TENM4: variants seen among roughly 807,000 people sequenced by gnomAD.
TENM4 encodes teneurin transmembrane protein 4.
Under a neutral mutation model 243.3 loss-of-function variants are expected in TENM4, and 82 were observed. That is an observed-to-expected ratio of 0.34 (90% CI 0.28 to 0.40). The LOEUF (loss-of-function observed/expected upper bound fraction) is 0.40, where lower values mean the gene tolerates loss of function less well. TENM4 is among the 10% of genes least tolerant of loss of function. The probability of loss-of-function intolerance (pLI) is 1.00; values close to 1 mark genes in which losing one functional copy is unlikely to be tolerated. For synonymous variants in TENM4, 1,412 were observed against 1,456.3 expected, an observed-to-expected ratio of 0.97 and a Z score of 0.69; for missense variants, 3,138 against 3,673.3, an observed-to-expected ratio of 0.85 and a Z score of 3.77.
chr11:79,085,321 A>G (rs1452750689), intron 4 of TENM4, among the ~76,000 whole-genome samples: 16 of 150,844 alleles, frequency 1.1e-4, no homozygotes, highest in Non-Finnish European at 2.2e-4. Context: ...AGCTTGCAGT[A>G]AGCTGAGATC....
intron 6 of TENM4, among the ~76,000 whole-genome samples, chr11:79,018,698 G>C (rs1179594812): frequency 6.6e-6 from 1 of 152,170 alleles, no homozygotes; most frequent in African/African-American, 2.4e-5. Context: ...TTCAGAATGG[G>C]TTTAATATGT....
At chr11:78,813,530 A>C (rs11237630) in intron 13 of TENM4, among the ~76,000 whole-genome samples, 1,778 of 152,336 alleles carry the variant, frequency 0.012, 35 homozygotes, top group African/African-American at 0.04. Context: ...ATCCCTAAAA[A>C]GGCATGAAGC....
At chr11:78,888,730 C>A (rs990060999) in intron 9 of TENM4, among the ~76,000 whole-genome samples, 5 of 152,192 alleles carry the variant, frequency 3.3e-5, no homozygotes, top group Non-Finnish European at 5.9e-5. Context: ...TCTTTTTTGG[C>A]CTCTGCCAGT....
intron 5 of TENM4, among the ~76,000 whole-genome samples, chr11:79,066,716 ACTCGAGCACACACG>A (rs1451486938): frequency 1.7e-4 from 23 of 139,058 alleles, no homozygotes; most frequent in Non-Finnish European, 2.5e-4. Flanking sequence ...ACGCATGCAC[ACTCGAGCACACACG>A]CGCACGCACA....
chr11:79,214,314 T>C (rs1864008782), intron 3 of TENM4, among the ~76,000 whole-genome samples: 1 of 152,284 alleles, frequency 6.6e-6, no homozygotes, highest in East Asian at 1.9e-4. Context: ...AAAATATTAA[T>C]GGAGCTCCTC....
At chr11:79,349,848 A>C (rs498900) in intron 1 of TENM4, among the ~76,000 whole-genome samples, 123,305 of 152,172 alleles carry the variant, frequency 0.81, 50,252 homozygotes, top group African/African-American at 0.86. Context: ...CAGACTCACA[A>C]AGCAGTTAGA....
At chr11:79,360,572 T>C (rs994038536) in intron 1 of TENM4, among the ~76,000 whole-genome samples, 4 of 152,136 alleles carry the variant, frequency 2.6e-5, no homozygotes, top group East Asian at 1.9e-4. Context: ...AGGCTGAAAA[T>C]TGTCATTTGT....
At chr11:79,065,342 A>G (rs1469918509) in intron 5 of TENM4, among the ~76,000 whole-genome samples, 5 of 152,224 alleles carry the variant, frequency 3.3e-5, no homozygotes, top group African/African-American at 1.2e-4. Flanking sequence ...ACTGCACAGT[A>G]GAGTTGTTTA....
At chr11:78,661,912 A>T (rs1858040902) in intron 32 of TENM4, among the ~76,000 whole-genome samples, 2 of 152,162 alleles carry the variant, frequency 1.3e-5, no homozygotes, top group Non-Finnish European at 2.9e-5. Flanking sequence ...ACAGATGAAG[A>T]TCCCTCCCTT....
intron 25 of TENM4, among the ~76,000 whole-genome samples, chr11:78,712,974 A>G (rs1057419127): frequency 2.6e-5 from 4 of 152,312 alleles, no homozygotes; most frequent in African/African-American, 9.6e-5. Flanking sequence ...AACCCCTTCA[A>G]GATGAAATGA....
At chr11:79,145,990 TTTC>T (rs1862388849) in intron 4 of TENM4, among the ~76,000 whole-genome samples, 1 of 151,968 alleles carries the variant, frequency 6.6e-6, no homozygotes, top group Admixed American at 6.6e-5. Flanking sequence ...TTTATAGGAG[TTTC>T]TTCTTTTTTT....
intron 6 of TENM4, among the ~76,000 whole-genome samples, chr11:78,922,384 G>T (rs1856466470): frequency 6.6e-6 from 1 of 152,080 alleles, no homozygotes; most frequent in Admixed American, 6.6e-5. Flanking sequence ...ATGTGTTTTT[G>T]CCTAGTGTCT....
In TENM4 at chr11:78,693,908, G is replaced by A. The variant is rs184588323; in HGVS notation, c.5088-5682C>T. 4.6e-5 allele frequency among the ~76,000 whole-genome samples: 7 copies of A among 152,160 alleles called. No homozygotes were observed. In the South Asian group the frequency reaches 1.2e-3, roughly 27 times the overall value. On this transcript the variant is annotated intron_variant, in intron 28 of 33. Transcript: ENST00000278550. ...TGGGTGCCTGTAATCCCAGCTACTC[G>A]GGAGGCTGAGGCAGGAGATTTGATT...
intron 6 of TENM4, among the ~76,000 whole-genome samples, chr11:79,043,903 C>A (rs1215317653): frequency 1.3e-5 from 2 of 152,174 alleles, no homozygotes; most frequent in African/African-American, 4.8e-5. Flanking sequence ...TGATGCCAAC[C>A]CAAACTGCAT....
At chr11:78,752,070 TCTCTGTCACTCTCCATCACAG>T (rs1458219026) in intron 19 of TENM4, among the ~76,000 whole-genome samples, 1 of 152,182 alleles carries the variant, frequency 6.6e-6, no homozygotes, top group African/African-American at 2.4e-5. Context: ...CTTTAGGTCA[TCTCTGTCACTCTCCATCACAG>T]CTCTGTCACT....
At chr11:79,308,766 C>T (rs1856668496) in intron 1 of TENM4, among the ~76,000 whole-genome samples, 5 of 152,178 alleles carry the variant, frequency 3.3e-5, no homozygotes, top group South Asian at 4.1e-4. Context: ...TCTGCAGAGC[C>T]ACCTCCTGAG....
chr11:78,862,151 C>T (rs757355064), intron 10 of TENM4, among the ~76,000 whole-genome samples: 8 of 152,142 alleles, frequency 5.3e-5, no homozygotes, highest in Non-Finnish European at 1.0e-4. Flanking sequence ...CCCACATCTC[C>T]TTCAGGGCCT....
At chr11:78,699,492 A>T (rs1476888316) in intron 28 of TENM4, among the ~76,000 whole-genome samples, 1 of 152,196 alleles carries the variant, frequency 6.6e-6, no homozygotes, top group Non-Finnish European at 1.5e-5. Context: ...ACATAGTAGG[A>T]TCTCAGAAAA....
At chr11:78,906,776 A>G (rs1331150128) in intron 6 of TENM4, among the ~76,000 whole-genome samples, 2 of 152,142 alleles carry the variant, frequency 1.3e-5, no homozygotes. Context: ...ATGCATACTG[A>G]TGTCCACATG....
Sources: allele counts gnomAD v4.1 joint callset (sites outside exome capture counted in the v4.1 genomes callset), GRCh38; gene constraint gnomAD v4.1.1; transcripts MANE v1.5; gene names NCBI Gene and HGNC (gene_info 2026-07-23, HGNC 2026-07-21).